The following ANKRD33B variants were observed in gnomAD, a reference collection of about 807,000 sequenced individuals.
The protein encoded by ANKRD33B is ankyrin repeat domain-containing protein 33B.
In ANKRD33B, 6 loss-of-function variants were observed where a neutral mutation model predicts 21.5. The ratio of observed to expected loss-of-function variants is 0.28; its 90% CI spans 0.15 to 0.55. The LOEUF (loss-of-function observed/expected upper bound fraction) is 0.55, where lower values mean the gene tolerates loss of function less well. ANKRD33B is among the 20% of genes least tolerant of loss of function. The probability of loss-of-function intolerance (pLI) is 0.94; values close to 1 mark genes in which losing one functional copy is unlikely to be tolerated. For synonymous variants in ANKRD33B, 347 were observed against 342.4 expected (o/e 1.01, Z -0.15); for missense variants, 698 against 747.2 (o/e 0.93, Z 0.77).
intron 1 of ANKRD33B, among the ~76,000 whole-genome samples, chr5:10,616,305 G>A (rs188341226): frequency 1.3e-5 from 2 of 152,112 alleles, no homozygotes; most frequent in Non-Finnish European, 2.9e-5. Context: ...GTTGGCTCAC[G>A]CCTGTAATCC....
At chr5:10,597,583 A>G (rs6885465) in intron 1 of ANKRD33B, among the ~76,000 whole-genome samples, 59,194 of 152,016 alleles carry the variant, frequency 0.39, 11,853 homozygotes, top group Admixed American at 0.53. Flanking sequence ...ACTCCCACAC[A>G]ATAATAATGG....
rs78181313 is a variant in ANKRD33B at position 10,619,147 on chromosome 5, A to G, written c.496+685A>G. 2.5e-3 allele frequency among the ~76,000 whole-genome samples: 378 copies of G among 152,338 alleles called. 3 individuals carry two copies. Among genetic ancestry groups the G allele is most frequent in the African/African-American group, 8.7e-3 (362 of 41,578 alleles). On this transcript the variant is annotated intron_variant, in intron 2 of 3. Transcript: ENST00000296657. This position sits in a 1 kb window ranked among gnomAD's most constrained non-coding sequence, Gnocchi z 4.5. ...TTCATAATCACACTTCATTTGGAAC[A>G]GTGGTCTTGACCAGGTTTATCACTG...
Position 10,564,553 on chromosome 5 carries a change from A to G in ANKRD33B, c.86A>G (p.Gln29Arg), listed in dbSNP as rs1256951782. ...PPPPSPPRGA[Q>R]VEEDPADYEE... Reference sequence around the variant, plus strand: ...CCGCCGTCCCCACCCCGGGGCGCGCAGGTCGAGGAGGACCCCGCTGACTAC... The same window carrying G: ...CCGCCGTCCCCACCCCGGGGCGCGCGGGTCGAGGAGGACCCCGCTGACTAC... Residue 29 changes from glutamine (Q) to arginine (R), a missense_variant, in exon 1 of 4, where the codon CAG (glutamine) becomes CGG (arginine). Around this residue, in one of 3 missense-constraint regions of ANKRD33B, gnomAD observed 148 missense variants for 154.9 expected, o/e 0.96. Transcript: ENST00000296657. The G allele has an allele frequency of 6.5e-7, 1 of 1,533,412 alleles. No homozygotes were observed. Among genetic ancestry groups the G allele is most frequent in the Middle Eastern group, 2.3e-4 (1 of 4,418 alleles). The allele number at this position is 1,533,412 out of a possible 1,614,324, so 95.0% of individuals were successfully genotyped here.
chr5:10,605,053 C>T (rs925542375), intron 1 of ANKRD33B, among the ~76,000 whole-genome samples: 12 of 152,208 alleles, frequency 7.9e-5, no homozygotes, highest in African/African-American at 2.7e-4. Context: ...GGGTCCTCTT[C>T]CAAAGTGGCT....
Position 10,657,488 on chromosome 5 carries a change from G to A in ANKRD33B, c.*7375G>A, listed in dbSNP as rs1358137838. The A allele has an allele frequency of 1.3e-5, 2 of 152,112 alleles. No homozygotes were observed. The highest frequency in any genetic ancestry group is 2.9e-5 in the Non-Finnish European group (2 of 68,036). The allele number at this position is 152,112 out of a possible 1,614,324, so 9.4% of individuals were successfully genotyped here. A position where few individuals can be genotyped will look rare whatever the true frequency, so the allele number is the denominator to read the frequency against. Reference sequence around the variant, plus strand: ...TTTCTGGATATTGTAAAGATACTGAGTACAGATATAACTGTGTAAATTTCA... The same window carrying A: ...TTTCTGGATATTGTAAAGATACTGAATACAGATATAACTGTGTAAATTTCA... On this transcript the variant is annotated 3_prime_UTR_variant, in exon 4 of 4. Coordinates refer to ENST00000296657, the MANE Select transcript of ANKRD33B (RefSeq NM_001164440.2).
chr5:10,637,423 T>TACAC (rs1326182714), intron 2 of ANKRD33B, among the ~76,000 whole-genome samples: 3 of 48,334 alleles, frequency 6.2e-5, no homozygotes, highest in East Asian at 6.7e-4. Flanking sequence ...CGTAGGTAGT[T>TACAC]AGACACACAC....
intron 1 of ANKRD33B, among the ~76,000 whole-genome samples, chr5:10,602,314 C>T (rs535966151): frequency 5.3e-5 from 8 of 152,380 alleles, no homozygotes; most frequent in South Asian, 2.1e-4. Context: ...ATTTCTAACA[C>T]GCTCCCAGGG....
At chr5:10,599,275 A>G (rs1445522210) in intron 1 of ANKRD33B, among the ~76,000 whole-genome samples, 1 of 152,122 alleles carries the variant, frequency 6.6e-6, no homozygotes, top group Non-Finnish European at 1.5e-5. Context: ...AACTTTATTG[A>G]CAATTCATCC....
chr5:10,577,422 C>A (rs111593316), intron 1 of ANKRD33B, among the ~76,000 whole-genome samples: 1 of 152,186 alleles, frequency 6.6e-6, no homozygotes, highest in South Asian at 2.1e-4. Flanking sequence ...CGCGCCCGGC[C>A]GCCTTTCTCT....
At chr5:10,644,968 C>G (rs1056136833) in intron 3 of ANKRD33B, among the ~76,000 whole-genome samples, 1 of 152,192 alleles carries the variant, frequency 6.6e-6, no homozygotes. Flanking sequence ...GGGACTCAGA[C>G]CCCCTGGACC....
At chr5:10,626,913 C>T (rs1736565246) in intron 2 of ANKRD33B, among the ~76,000 whole-genome samples, 1 of 152,212 alleles carries the variant, frequency 6.6e-6, no homozygotes, top group African/African-American at 2.4e-5. Flanking sequence ...GAAGCGCAAT[C>T]TTAAAGCAAC....
chr5:10,580,414 C>T (rs922287990), intron 1 of ANKRD33B, among the ~76,000 whole-genome samples: 3 of 152,240 alleles, frequency 2.0e-5, no homozygotes. Context: ...GCTGGGGCAG[C>T]AGGGTCAGCA....
chr5:10,584,944 T>C (rs1328135356), intron 1 of ANKRD33B, among the ~76,000 whole-genome samples: 3 of 152,130 alleles, frequency 2.0e-5, no homozygotes, highest in Admixed American at 6.5e-5. Context: ...AGTCTTGCTG[T>C]TTGGAGGTCT....
In ANKRD33B at chr5:10,650,065, C is replaced by CGAGGCGCAGAAGGA. The variant is rs1560990454; in HGVS notation, c.1446_1459dup (p.Thr487ArgfsTer94). ...AGGAGGCCGAAAAGAAGCGCCAGGC[C>CGAGGCGCAGAAGGA]GAGGCGCAGAAGGAGAGGCGCACTG... On this transcript the variant is annotated frameshift_variant, in exon 4 of 4. Coordinates refer to ENST00000296657, the MANE Select transcript of ANKRD33B (RefSeq NM_001164440.2). LOFTEE classifies it high-confidence loss of function. 9 of 1,529,312 alleles carry CGAGGCGCAGAAGGA rather than the reference C, an allele frequency of 5.9e-6. No homozygotes were observed. Among genetic ancestry groups the CGAGGCGCAGAAGGA allele is most frequent in the Non-Finnish European group, 7.0e-6 (8 of 1,142,750 alleles). 94.7% of individuals were successfully genotyped at this position (1,529,312 alleles called of 1,614,324 possible). A position where few individuals can be genotyped will look rare whatever the true frequency, so the allele number is the denominator to read the frequency against.
At position 10,650,814 on chromosome 5, in the gene ANKRD33B, G is replaced by A. The variant is rs1448063788; in HGVS notation, c.*701G>A. ...GTAATATATTGAGGAAAAACATATTGTCAAATTATAAAACAATGGAGCGAT... is the reference window on the plus strand; with the variant it reads ...GTAATATATTGAGGAAAAACATATTATCAAATTATAAAACAATGGAGCGAT... On this transcript the variant is annotated 3_prime_UTR_variant, in exon 4 of 4. Coordinates refer to ENST00000296657, the MANE Select transcript of ANKRD33B (RefSeq NM_001164440.2). 2.0e-5 allele frequency: 3 copies of A among 152,282 alleles called. No individual in the cohort carries two copies. The highest frequency in any genetic ancestry group is 2.9e-5 in the Non-Finnish European group (2 of 68,028). 9.4% of individuals were successfully genotyped at this position (152,282 alleles called of 1,614,324 possible).
chr5:10,634,095 A>G (rs4702717), intron 2 of ANKRD33B, among the ~76,000 whole-genome samples: 64,105 of 152,102 alleles, frequency 0.42, 13,746 homozygotes, highest in Middle Eastern at 0.56. Context: ...ATTGTCTCCT[A>G]TAATTTTCAC....
intron 2 of ANKRD33B, among the ~76,000 whole-genome samples, chr5:10,636,023 T>C (rs890509433): frequency 6.6e-6 from 1 of 152,208 alleles, no homozygotes; most frequent in African/African-American, 2.4e-5. Context: ...GTCTCATGCC[T>C]GCCCGACCCC....
chr5:10,648,821 A>C (rs1737247684), intron 3 of ANKRD33B, among the ~76,000 whole-genome samples: 1 of 150,616 alleles, frequency 6.6e-6, no homozygotes, highest in Middle Eastern at 3.4e-3. Context: ...AGGACAGATA[A>C]TCAATGGAGC....
chr5:10,616,479 G>A (rs796409600), intron 1 of ANKRD33B, among the ~76,000 whole-genome samples: 14 of 149,294 alleles, frequency 9.4e-5, no homozygotes, highest in African/African-American at 3.5e-4. Flanking sequence ...CAGGAGAATC[G>A]CTTGAACCCA....
Sources: gnomAD v4.1 joint callset for allele counts (sites outside exome capture counted in the v4.1 genomes callset) on GRCh38, gnomAD v4.1.1 for gene constraint, gnomAD v4.1.1 regional missense constraint, Gnocchi (gnomAD v3.1) non-coding constraint, MANE v1.5 for transcripts, NCBI Gene and HGNC (gene_info 2026-07-23, HGNC 2026-07-21) for gene names.